PDSS2: variants seen among roughly 807,000 people sequenced by gnomAD.
PDSS2 encodes decaprenyl diphosphate synthase subunit 2, also known as all trans-polyprenyl-diphosphate synthase PDSS2.
Under a neutral mutation model 44.5 loss-of-function variants are expected in PDSS2, and 31 were observed. The observed-to-expected ratio is 0.70, with a 90% CI of 0.52 to 0.94. PDSS2 has a LOEUF of 0.94. Ranked by LOEUF, PDSS2 falls within the 40% of genes least tolerant of loss-of-function variation. PDSS2 has a pLI of 0.00. For missense variants in PDSS2, 452 were observed against 482.2 expected, an observed-to-expected ratio of 0.94 and a Z score of 0.59; for synonymous variants, 157 against 180.3, an observed-to-expected ratio of 0.87 and a Z score of 1.03.
chr6:107,230,689 G>C (rs1387611762), intron 4 of PDSS2, among the ~76,000 whole-genome samples: 54 of 151,724 alleles, frequency 3.6e-4, no homozygotes, highest in South Asian at 8.3e-4. Context: ...TTTTCTCATA[G>C]TGATGAGAAA....
intron 3 of PDSS2, among the ~76,000 whole-genome samples, chr6:107,256,970 A>G (rs1172493135): frequency 6.6e-6 from 1 of 152,188 alleles, no homozygotes; most frequent in Non-Finnish European, 1.5e-5. Flanking sequence ...ACTTGAGGAC[A>G]GGAGTTGGAG....
intron 1 of PDSS2, among the ~76,000 whole-genome samples, chr6:107,429,784 T>C (rs1383459110): frequency 2.0e-5 from 3 of 148,066 alleles, no homozygotes; most frequent in African/African-American, 7.5e-5. Flanking sequence ...CTTCGGAGGC[T>C]GAGGCAGGAG....
chr6:107,264,221 T>C (rs914987117), intron 3 of PDSS2: 16 of 1,218,904 alleles, frequency 1.3e-5, no homozygotes, highest in Middle Eastern at 2.7e-4. Flanking sequence ...ATATAGATGG[T>C]GTAAAGGGAG....
At chr6:107,242,513 G>A (rs1774473963) in intron 4 of PDSS2, among the ~76,000 whole-genome samples, 2 of 151,708 alleles carry the variant, frequency 1.3e-5, no homozygotes, top group Admixed American at 1.3e-4. Context: ...CAAAGTGCTA[G>A]GATTACAGGC....
At chr6:107,440,054 A>T (rs1392106088) in intron 1 of PDSS2, among the ~76,000 whole-genome samples, 1 of 152,076 alleles carries the variant, frequency 6.6e-6, no homozygotes, top group Non-Finnish European at 1.5e-5. Context: ...CATGTGCTCA[A>T]CAACAGGGAT....
intron 3 of PDSS2, among the ~76,000 whole-genome samples, chr6:107,251,805 C>G (rs1321029781): frequency 6.6e-6 from 1 of 151,984 alleles, no homozygotes; most frequent in African/African-American, 2.4e-5. Context: ...ATAAAGGTAA[C>G]CAGAGCAGGT....
At chr6:107,165,052 T>G (rs1475146844) in intron 7 of PDSS2, among the ~76,000 whole-genome samples, 21 of 152,336 alleles carry the variant, frequency 1.4e-4, no homozygotes, top group African/African-American at 5.1e-4. Flanking sequence ...TCTTTGTAGA[T>G]TCTGGATATT....
intron 1 of PDSS2, among the ~76,000 whole-genome samples, chr6:107,377,638 A>G (rs902870118): frequency 2.6e-5 from 4 of 152,188 alleles, no homozygotes; most frequent in Admixed American, 2.0e-4. Context: ...AACCAACCCA[A>G]ATGTCCAACA....
chr6:107,350,827 A>G (rs1303513603), intron 1 of PDSS2, among the ~76,000 whole-genome samples: 3 of 152,076 alleles, frequency 2.0e-5, no homozygotes, highest in Non-Finnish European at 2.9e-5. Context: ...AAAAGTAAAC[A>G]AACAGGGAAA....
chr6:107,362,065 A>AT (rs1352321732), intron 1 of PDSS2, among the ~76,000 whole-genome samples: 1 of 152,256 alleles, frequency 6.6e-6, no homozygotes, highest in African/African-American at 2.4e-5. Context: ...ACAAGCCTGA[A>AT]TAAGCAAACC....
At chr6:107,236,079 C>G (rs1416377248) in intron 4 of PDSS2, among the ~76,000 whole-genome samples, 2 of 151,888 alleles carry the variant, frequency 1.3e-5, no homozygotes, top group Admixed American at 6.6e-5. Flanking sequence ...AACCAAGAAG[C>G]CCAGTGAATC....
At chr6:107,336,457 A>T (rs1777896443) in intron 1 of PDSS2, among the ~76,000 whole-genome samples, 1 of 152,088 alleles carries the variant, frequency 6.6e-6, no homozygotes. Flanking sequence ...AAAGGGTTTA[A>T]ACTGATTTTT....
At chr6:107,252,277 T>C (rs996521445) in intron 3 of PDSS2, among the ~76,000 whole-genome samples, 2 of 152,334 alleles carry the variant, frequency 1.3e-5, no homozygotes, top group South Asian at 2.1e-4. Context: ...CTGGGTTTAA[T>C]GTAGACAATG....
chr6:107,423,764 T>C (rs778426863), intron 1 of PDSS2, among the ~76,000 whole-genome samples: 11 of 152,192 alleles, frequency 7.2e-5, no homozygotes, highest in Non-Finnish European at 1.6e-4. Context: ...CATGATTAAC[T>C]GCTGATTTTG....
chr6:107,292,112 A>G (rs751159127), intron 2 of PDSS2, among the ~76,000 whole-genome samples: 7 of 152,164 alleles, frequency 4.6e-5, no homozygotes, highest in Non-Finnish European at 1.0e-4. Flanking sequence ...CTCAGTTCAA[A>G]GAGATTAGAT....
At chr6:107,455,804 T>C (rs1359701089) in intron 1 of PDSS2, among the ~76,000 whole-genome samples, 8 of 147,344 alleles carry the variant, frequency 5.4e-5, no homozygotes, top group African/African-American at 2.0e-4. Context: ...CTCTTAGTTC[T>C]AGTGTTATGA....
At chr6:107,351,217 T>C (rs966079663) in intron 1 of PDSS2, among the ~76,000 whole-genome samples, 8 of 152,332 alleles carry the variant, frequency 5.3e-5, no homozygotes, top group African/African-American at 1.9e-4. Flanking sequence ...GTAATGAATT[T>C]CAGATATGAA....
intron 1 of PDSS2, among the ~76,000 whole-genome samples, chr6:107,368,022 G>C (rs548779106): frequency 1.2e-4 from 19 of 152,186 alleles, no homozygotes; most frequent in Non-Finnish European, 2.5e-4. Flanking sequence ...CGTAATCCCA[G>C]CACTTTGGGA....
At chr6:107,241,414 T>C (rs1402587173) in intron 4 of PDSS2, among the ~76,000 whole-genome samples, 1 of 140,612 alleles carries the variant, frequency 7.1e-6, no homozygotes, top group East Asian at 2.3e-4. Flanking sequence ...TGGCGAGATA[T>C]CGGCTCACTG....
Sources: gnomAD v4.1 joint callset for allele counts (sites outside exome capture counted in the v4.1 genomes callset) on GRCh38, gnomAD v4.1.1 for gene constraint, MANE v1.5 for transcripts, NCBI Gene and HGNC (gene_info 2026-07-23, HGNC 2026-07-21) for gene names.